The following ASIC2 variants were observed in gnomAD, a reference collection of about 807,000 sequenced individuals.
ASIC2 encodes acid-sensing ion channel 2.
ASIC2 carries 25 observed loss-of-function variants against 57.3 expected under a neutral mutation model. That is an observed-to-expected ratio of 0.44 (90% CI 0.32 to 0.61). The LOEUF (loss-of-function observed/expected upper bound fraction) is 0.61. Among genes scored for constraint, ASIC2 ranks in the 20% least tolerant of loss-of-function variants. The pLI, the probability that ASIC2 is intolerant of heterozygous loss-of-function variation, is 0.06. For synonymous variants in ASIC2, 319 were observed against 307.5 expected, an observed-to-expected ratio of 1.04 and a Z score of -0.39; for missense variants, 641 against 738.1, an observed-to-expected ratio of 0.87 and a Z score of 1.52.
chr17:33,161,590 C>T (rs1905160328), intron 1 of ASIC2, among the ~76,000 whole-genome samples: 1 of 152,144 alleles, frequency 6.6e-6, no homozygotes, highest in African/African-American at 2.4e-5. Flanking sequence ...TTTCTGCTTC[C>T]CACCAATATA....
At chr17:34,134,995 C>T (rs1912088882) in intron 1 of ASIC2, among the ~76,000 whole-genome samples, 1 of 152,314 alleles carries the variant, frequency 6.6e-6, no homozygotes, top group East Asian at 1.9e-4. Flanking sequence ...TATAGCCAAC[C>T]ACAGGTCATT....
chr17:33,724,146 C>T (rs183984982), intron 1 of ASIC2, among the ~76,000 whole-genome samples: 94 of 152,264 alleles, frequency 6.2e-4, no homozygotes, highest in Non-Finnish European at 1.6e-4. Context: ...CCCTTTCACT[C>T]GGTTCTCATT....
At chr17:34,053,102 C>A (rs1286477956) in intron 1 of ASIC2, among the ~76,000 whole-genome samples, 2 of 152,114 alleles carry the variant, frequency 1.3e-5, no homozygotes. Flanking sequence ...TTATTCCACT[C>A]CCTTCATGTT....
intron 1 of ASIC2, chr17:34,038,180 G>T (rs1374520499): frequency 2.5e-6 from 4 of 1,612,480 alleles, no homozygotes; most frequent in Admixed American, 3.3e-5. Context: ...GTGTATGATG[G>T]GAGGTTTTAT....
At chr17:33,887,199 C>T (rs1052075771) in intron 1 of ASIC2, among the ~76,000 whole-genome samples, 34 of 152,284 alleles carry the variant, frequency 2.2e-4, no homozygotes, top group African/African-American at 7.9e-4. Context: ...TCTCATCATT[C>T]ACTCTACATT....
At chr17:33,019,775 A>G (rs867682925) in intron 7 of ASIC2, among the ~76,000 whole-genome samples, 2 of 151,048 alleles carry the variant, frequency 1.3e-5, no homozygotes, top group Admixed American at 6.6e-5. Flanking sequence ...TTCAGAGCTC[A>G]GGCCCTTCTT....
chr17:33,979,249 C>T (rs1309262112), intron 1 of ASIC2, among the ~76,000 whole-genome samples: 1 of 152,174 alleles, frequency 6.6e-6, no homozygotes, highest in Non-Finnish European at 1.5e-5. Flanking sequence ...TGACCATTCA[C>T]ACTACCTGCC....
intron 1 of ASIC2, among the ~76,000 whole-genome samples, chr17:33,735,199 A>G (rs186637046): frequency 1.3e-5 from 2 of 151,954 alleles, no homozygotes; most frequent in Admixed American, 6.6e-5. Flanking sequence ...TCTGCCTGCC[A>G]TTGTGTTTGC....
chr17:33,772,702 G>C (rs1911149023), intron 1 of ASIC2, among the ~76,000 whole-genome samples: 1 of 152,130 alleles, frequency 6.6e-6, no homozygotes, highest in Admixed American at 6.5e-5. Context: ...TGTTTCCTAG[G>C]CTCTCAATAT....
At chr17:33,054,374 C>T (rs970092684) in intron 3 of ASIC2, among the ~76,000 whole-genome samples, 8 of 152,178 alleles carry the variant, frequency 5.3e-5, no homozygotes, top group African/African-American at 1.7e-4. Flanking sequence ...CTCCCTGGGC[C>T]TCAGTTTCCC....
intron 1 of ASIC2, among the ~76,000 whole-genome samples, chr17:34,095,642 T>TAGAGAGAG (rs1294870571): frequency 1.5e-5 from 2 of 136,118 alleles, no homozygotes; most frequent in African/African-American, 5.7e-5. Context: ...TTTATATATA[T>TAGAGAGAG]ATATATATAT....
intron 1 of ASIC2, among the ~76,000 whole-genome samples, chr17:33,602,852 G>A (rs1315299111): frequency 1.3e-5 from 2 of 152,310 alleles, no homozygotes; most frequent in South Asian, 2.1e-4. Context: ...GTGGAATGAA[G>A]TTCAACTCTT....
intron 1 of ASIC2, among the ~76,000 whole-genome samples, chr17:33,692,911 T>C (rs1187175760): frequency 6.6e-6 from 1 of 152,254 alleles, no homozygotes; most frequent in Non-Finnish European, 1.5e-5. Context: ...AGATGCCTAA[T>C]TGTGTATGTA....
At chr17:33,085,896 T>C (rs2092132332) in intron 3 of ASIC2, among the ~76,000 whole-genome samples, 1 of 152,242 alleles carries the variant, frequency 6.6e-6, no homozygotes, top group South Asian at 2.1e-4. Context: ...GCGGAAATGC[T>C]TTGAAGACTG....
intron 1 of ASIC2, among the ~76,000 whole-genome samples, chr17:33,906,501 G>A (rs111897628): frequency 2.9e-4 from 44 of 152,310 alleles, no homozygotes; most frequent in African/African-American, 9.9e-4. Context: ...CCAGTTCTGA[G>A]GCTCAACATG....
At chr17:33,505,899 T>C (rs1914235361) in intron 1 of ASIC2, among the ~76,000 whole-genome samples, 1 of 152,210 alleles carries the variant, frequency 6.6e-6, no homozygotes, top group Non-Finnish European at 1.5e-5. Flanking sequence ...TATCATGCAT[T>C]TTATTAGAGT....
At chr17:33,580,339 G>C (rs991709811) in intron 1 of ASIC2, 2 of 152,220 alleles carry the variant, frequency 1.3e-5, no homozygotes, top group African/African-American at 4.8e-5. Context: ...TGAGAGCAGG[G>C]CTTTGACCAT....
Position 33,323,726 on chromosome 17 carries a change from C to T in ASIC2, c.556-211659G>A, listed in dbSNP as rs767317769. Among the ~76,000 whole-genome samples the T allele has an allele frequency of 5.3e-5, 8 of 152,068 alleles. No homozygotes were observed. In the East Asian group the frequency reaches 5.8e-4, roughly 11 times the overall value. ...GAGACTTCTCTCCCCACCACACCCC[C>T]GCCCCAAAAAAGAAATAAACCAGAC... On this transcript the variant is annotated intron_variant, in intron 1 of 9. Coordinates refer to the ASIC2 transcript ENST00000359872.
chr17:33,981,446 G>T (rs570824384), intron 1 of ASIC2, among the ~76,000 whole-genome samples: 57 of 152,300 alleles, frequency 3.7e-4, no homozygotes, highest in African/African-American at 1.3e-3. Context: ...TTGGTGAAGT[G>T]GGTGGTACTG....
Sources: gnomAD v4.1 joint callset for allele counts (sites outside exome capture counted in the v4.1 genomes callset) on GRCh38, gnomAD v4.1.1 for gene constraint, MANE v1.5 for transcripts, NCBI Gene and HGNC (gene_info 2026-07-23, HGNC 2026-07-21) for gene names.